The following GCKR variants were observed in gnomAD, a reference collection of about 807,000 sequenced individuals.
The protein encoded by GCKR is glucokinase regulatory protein.
Under a neutral mutation model 82.9 loss-of-function variants are expected in GCKR, and 73 were observed. That is an observed-to-expected ratio of 0.88 (90% CI 0.73 to 1.07). The LOEUF (loss-of-function observed/expected upper bound fraction) is 1.07, where lower values mean the gene tolerates loss of function less well. GCKR is among the 50% of genes least tolerant of loss of function. The pLI, the probability that GCKR is intolerant of heterozygous loss-of-function variation, is 0.00. For synonymous variants in GCKR, 294 were observed against 291.8 expected (o/e 1.01, Z -0.08); for missense variants, 784 against 782.1 (o/e 1.00, Z -0.03).
rs1423387218 is a variant in GCKR at position 27,496,931 on chromosome 2, T to C, written c.27T>C (p.His9=). The C allele has an allele frequency of 2.5e-6, 4 of 1,613,794 alleles. No homozygotes were observed. The highest frequency in any genetic ancestry group is 3.4e-6 in the Non-Finnish European group (4 of 1,179,800). ...TGCCAGGCACAAAACGGTTTCAACATGTCATTGAGACCCCGGAGCCTGGCA... is the reference window on the plus strand; with the variant it reads ...TGCCAGGCACAAAACGGTTTCAACACGTCATTGAGACCCCGGAGCCTGGCA... The part of the protein sequence containing the change: MPGTKRFQ[H]VIETPEPGKW... Residue 9 remains histidine (H), a synonymous_variant, in exon 1 of 19, where the codon CAT becomes CAC. Coordinates refer to ENST00000264717, the MANE Select transcript of GCKR (RefSeq NM_001486.4).
chr2:27,508,216 C>T lies in GCKR; in HGVS notation c.1387C>T (p.Leu463=), dbSNP rs145535550. 3.7e-6 allele frequency: 6 copies of T among 1,611,902 alleles called. No homozygotes were observed. In the African/African-American group the frequency reaches 4.0e-5, roughly 11 times the overall value. ...CTCCATCATCAGCATCACATGGCCACTGCTTTTCTTTGAATATGAAGGGAA... is the reference window on the plus strand; with the variant it reads ...CTCCATCATCAGCATCACATGGCCATTGCTTTTCTTTGAATATGAAGGGAA... ...FPSIISITWP[L]LFFEYEGNFI... Residue 463 remains leucine (L), a synonymous_variant, in exon 16 of 19, where the codon CTG becomes TTG. Transcript: ENST00000264717.
intron 1 of GCKR, 87 bp from the exon 2 acceptor site, chr2:27,497,155 CTG>C: frequency 2.0e-6 from 3 of 1,493,922 alleles, no homozygotes; most frequent in Non-Finnish European, 2.8e-6. Flanking sequence ...AGTCCAAACT[CTG>C]TGCCTGCTGC....
chr2:27,512,783 C>T (rs752414327), intron 16 of GCKR, among the ~76,000 whole-genome samples: 1 of 152,116 alleles, frequency 6.6e-6, no homozygotes, highest in African/African-American at 2.4e-5. Flanking sequence ...ATTCAGTTAT[C>T]AGGTCTTTTG....
At chr2:27,507,157 T>C in intron 12 of GCKR, 78 bp from the exon 13 acceptor site, 2 of 1,034,114 alleles carry the variant, frequency 1.9e-6, no homozygotes, top group Non-Finnish European at 3.1e-6. Context: ...CCCAGTCCCA[T>C]TTTCTCCCCC....
intron 5 of GCKR, 135 bp from the exon 6 acceptor site, chr2:27,499,007 A>G: frequency 1.4e-6 from 1 of 731,894 alleles, no homozygotes; most frequent in East Asian, 2.6e-5. Flanking sequence ...AGTGTCTATC[A>G]TGCACCAACA....
Position 27,508,154 on chromosome 2 carries a change from TTC to T in GCKR, c.1339-5_1339-4del. On this transcript the variant is annotated splice_polypyrimidine_tract_variant and intron_variant, in intron 15 of 18. Coordinates refer to ENST00000264717, the MANE Select transcript of GCKR (RefSeq NM_001486.4). The stretch of plus-strand genomic sequence containing the variant: ...CTGGAGATGCCTCTCCTGCTCCTCT[TTC>T]TCTCTCTCCAGATCCCTCTGAAGAA... 6.2e-7 allele frequency: 1 copy of T among 1,603,026 alleles called. No homozygotes were observed. The highest frequency in any genetic ancestry group is 8.5e-7 in the Non-Finnish European group (1 of 1,170,088).
At chr2:27,498,192 A>G in intron 3 of GCKR, 63 bp from the exon 4 acceptor site, 1 of 1,260,664 alleles carries the variant, frequency 7.9e-7, no homozygotes, top group South Asian at 1.2e-5. Flanking sequence ...CTGACAAAGA[A>G]AAGAATATTC....
Position 27,518,769 on chromosome 2 carries a change from A to G in GCKR, c.1423-19A>G, listed in dbSNP as rs771781983. On this transcript the variant is annotated intron_variant, in intron 16 of 18. Coordinates refer to ENST00000264717, the MANE Select transcript of GCKR (RefSeq NM_001486.4). ...CTGTCCTCTAATTTTTGACACCCCCATGTGTCTGCCCTTTTCAGAAGTTCC... is the reference window on the plus strand; with the variant it reads ...CTGTCCTCTAATTTTTGACACCCCCGTGTGTCTGCCCTTTTCAGAAGTTCC... 54 of 1,608,254 alleles carry G rather than the reference A, an allele frequency of 3.4e-5. No individual in the cohort carries two copies. The highest frequency in any genetic ancestry group is 4.2e-5 in the Non-Finnish European group (49 of 1,174,740).
chr2:27,508,380 G>T lies in GCKR; in HGVS notation c.1422+129G>T. 5 of 715,046 alleles carry T rather than the reference G, an allele frequency of 7.0e-6. No individual in the cohort carries two copies. The South Asian group carries it at 7.4e-5, about 11-fold the overall frequency. The allele number at this position is 715,046 out of a possible 1,614,324, so 44.3% of individuals were successfully genotyped here. A position where few individuals can be genotyped will look rare whatever the true frequency, so the allele number is the denominator to read the frequency against. On this transcript the variant is annotated intron_variant, in intron 16 of 18. Transcript: ENST00000264717. Reference sequence around the variant, plus strand: ...CTCTGACCCTCACAAAGCCAGCTGGGCAAGGTCATGGGTTACCAGGTTACT... The same window carrying T: ...CTCTGACCCTCACAAAGCCAGCTGGTCAAGGTCATGGGTTACCAGGTTACT...
intron 16 of GCKR, among the ~76,000 whole-genome samples, chr2:27,516,152 G>A (rs1179557429): frequency 6.6e-6 from 1 of 151,596 alleles, no homozygotes; most frequent in Non-Finnish European, 1.5e-5. Flanking sequence ...CAATTTCTAT[G>A]TGCATTGGTC....
intron 17 of GCKR, among the ~76,000 whole-genome samples, chr2:27,522,060 CAGAG>C (rs1322744942): frequency 1.3e-5 from 2 of 152,118 alleles, no homozygotes; most frequent in African/African-American, 2.4e-5. Flanking sequence ...CTGAGCTAGA[CAGAG>C]AGGAGGGTAG....
Position 27,501,195 on chromosome 2 carries a change from G to C in GCKR, c.610G>C (p.Val204Leu). ...GAACAACACAGCTGTCTTCTTGCCA[G>C]TCCTGGTTGGCTTCAATCCAGTGAG... ...CMNNTAVFLP[V>L]LVGFNPVSMA... The change falls in exon 8 of 19, where the codon GTC becomes CTC. Residue 204 changes from valine to leucine, a missense_variant. Transcript: ENST00000264717. 6.2e-7 allele frequency: 1 copy of C among 1,613,980 alleles called. No homozygotes were observed. The highest frequency in any genetic ancestry group is 8.5e-7 in the Non-Finnish European group (1 of 1,179,820).
rs757078047 is a variant in GCKR at position 27,498,370 on chromosome 2, T to TG, written c.354+48dup. ...TTTCTTCCCCCTCCACTTCTGGAGG[T>TG]GACCCTCAGGACCATAAAGATCATC... is the stretch of plus-strand genomic sequence containing the variant. On this transcript the variant is annotated intron_variant, in intron 4 of 18. Transcript: ENST00000264717. 11 of 1,400,940 alleles carry TG rather than the reference T, an allele frequency of 7.9e-6. No homozygotes were observed. The South Asian group carries it at 1.3e-4, about 16-fold the overall frequency. The allele number at this position is 1,400,940 out of a possible 1,614,324, so 86.8% of individuals were successfully genotyped here.
chr2:27,513,338 C>G (rs1669933348), intron 16 of GCKR, among the ~76,000 whole-genome samples: 1 of 152,068 alleles, frequency 6.6e-6, no homozygotes, highest in Non-Finnish European at 1.5e-5. Context: ...TGAGACCAGC[C>G]TGGCCAGCAT....
chr2:27,505,761 C>A lies in GCKR; in HGVS notation c.794C>A (p.Ala265Asp). The A allele has an allele frequency of 6.2e-7, 1 of 1,612,536 alleles. No individual in the cohort carries two copies. The highest frequency in any genetic ancestry group is 8.5e-7 in the Non-Finnish European group (1 of 1,178,592). The change falls in exon 10 of 19, where the codon GCC becomes GAC. Residue 265 changes from alanine (A) to aspartate (D), a missense_variant. By Grantham distance (126) the Ala-to-Asp change is moderately radical. Coordinates refer to ENST00000264717, the MANE Select transcript of GCKR (RefSeq NM_001486.4). ...TCCTCCCGGATGAAAGGTGGAAGTG[C>A]CACCAAGATTCTGCTGGAAACCCTG... ...SGSSRMKGGS[A>D]TKILLETLLL...
At chr2:27,503,183 C>A (rs1669628159) in intron 8 of GCKR, among the ~76,000 whole-genome samples, 1 of 152,212 alleles carries the variant, frequency 6.6e-6, no homozygotes, top group Admixed American at 6.5e-5. Context: ...AACAGGCCTT[C>A]CCTAAAGGAC....
chr2:27,507,279 A>C lies in GCKR; in HGVS notation c.1111A>C (p.Met371Leu), dbSNP rs1558437839. Residue 371 changes from methionine to leucine, a missense_variant, in exon 13 of 19, where the codon ATG (methionine) becomes CTG (leucine). Met to Leu is a conservative substitution (Grantham distance 15). Coordinates refer to ENST00000264717, the MANE Select transcript of GCKR (RefSeq NM_001486.4). Reference protein sequence around the residue: ...RGFLIGDHSDMFNQKAELTNQ... With the variant: ...RGFLIGDHSDLFNQKAELTNQ... ...CTTTCTCATTGGTGATCACAGTGAC[A>C]TGTTTAACCAGAAGGCTGAGCTCAC... The C allele has an allele frequency of 6.2e-7, 1 of 1,612,842 alleles. No individual in the cohort carries two copies. Among genetic ancestry groups the C allele is most frequent in the Non-Finnish European group, 8.5e-7 (1 of 1,178,818 alleles).
intron 13 of GCKR, 103 bp downstream of exon 13, chr2:27,507,414 A>C (rs1389257080): frequency 1.5e-5 from 12 of 819,462 alleles, no homozygotes; most frequent in Non-Finnish European, 2.1e-5. Context: ...ATTGGAATAG[A>C]CGGTCCAGAG....
intron 13 of GCKR, 173 bp downstream of exon 13, chr2:27,507,484 C>G: frequency 1.4e-6 from 1 of 690,694 alleles, no homozygotes. Flanking sequence ...GTGGAAAGCT[C>G]TAGATCCAGT....
Sources: allele counts gnomAD v4.1 joint callset (sites outside exome capture counted in the v4.1 genomes callset), GRCh38; gene constraint gnomAD v4.1.1; transcripts MANE v1.5; gene names NCBI Gene and HGNC (gene_info 2026-07-23, HGNC 2026-07-21).